Variants in SETD7 observed in about 807,000 individuals in gnomAD.
The protein encoded by SETD7 is histone-lysine N-methyltransferase SETD7.
Under a neutral mutation model 41.8 loss-of-function variants are expected in SETD7, and 16 were observed. The ratio of observed to expected loss-of-function variants is 0.38; its 90% CI spans 0.26 to 0.58. The LOEUF is 0.58. Among genes scored for constraint, SETD7 ranks in the 20% least tolerant of loss-of-function variants. SETD7 has a pLI of 0.64. For missense variants in SETD7, 346 were observed against 459.7 expected, an observed-to-expected ratio of 0.75 and a Z score of 2.26; for synonymous variants, 163 against 169.7, an observed-to-expected ratio of 0.96 and a Z score of 0.31.
intron 5 of SETD7, among the ~76,000 whole-genome samples, chr4:139,521,396 AGTCTGGAC>A: frequency 6.6e-6 from 1 of 151,096 alleles, no homozygotes; most frequent in East Asian, 2.0e-4. Context: ...ATTGCACTCC[AGTCTGGAC>A]GACAAGAGCA....
chr4:139,511,835 T>C lies in SETD7; in HGVS notation c.929A>G (p.His310Arg). ...GCATTTGATGGGCCCAAAACGGGGG[T>C]GGACAAACCTAAACATCAAGATGCA... ...TPNCIYDMFV[H>R]PRFGPIKCIR... is the part of the protein sequence containing the mutation. Residue 310 changes from histidine (H) to arginine (R), a missense_variant, in exon 8 of 8, where the codon CAC (histidine) becomes CGC (arginine). Transcript: ENST00000274031. The C allele has an allele frequency of 6.2e-7, 1 of 1,611,280 alleles. No homozygotes were observed. Among genetic ancestry groups the C allele is most frequent in the Non-Finnish European group, 8.5e-7 (1 of 1,178,906 alleles).
chr4:139,531,054 C>T (rs1436834424), intron 3 of SETD7, among the ~76,000 whole-genome samples: 1 of 152,072 alleles, frequency 6.6e-6, no homozygotes, highest in African/African-American at 2.4e-5. Context: ...ATTAATTTGA[C>T]TGGTGAGCAG....
chr4:139,512,281 G>C (rs1468575848), intron 7 of SETD7, among the ~76,000 whole-genome samples: 1 of 152,208 alleles, frequency 6.6e-6, no homozygotes, highest in Non-Finnish European at 1.5e-5. Context: ...CAGGGAGAAG[G>C]CTTCACCAGA....
Position 139,510,238 on chromosome 4 carries a change from ACAGATCAGCACAACAG to A in SETD7, c.*1409_*1424del, listed in dbSNP as rs11274284. The A allele has an allele frequency of 0.8, 121,265 of 152,108 alleles. 49,161 individuals carry two copies. The highest frequency in any genetic ancestry group is 0.96 in the East Asian group (4,946 of 5,164). 9.4% of individuals were successfully genotyped at this position (152,108 alleles called of 1,614,324 possible). A position where few individuals can be genotyped will look rare whatever the true frequency, so the allele number is the denominator to read the frequency against. ...GTGACAGGAATCACAGCTGACAGCT[ACAGATCAGCACAACAG>A]CTGCTCTCCAGTCCTTCCAGCCGCT... On this transcript the variant is annotated 3_prime_UTR_variant, in exon 8 of 8. Coordinates refer to ENST00000274031, the MANE Select transcript of SETD7 (RefSeq NM_030648.4).
At chr4:139,545,747 C>A (rs1467000244) in intron 2 of SETD7, among the ~76,000 whole-genome samples, 4 of 152,214 alleles carry the variant, frequency 2.6e-5, no homozygotes, top group African/African-American at 9.7e-5. Context: ...CAGTCCCTGA[C>A]ATCACCCTTC....
downstream of SETD7, among the ~76,000 whole-genome samples, chr4:139,495,225 G>T (rs558807103): frequency 6.6e-6 from 1 of 152,286 alleles, no homozygotes; most frequent in Non-Finnish European, 1.5e-5. Context: ...ATAAATTACA[G>T]CTATTGTTTC....
chr4:139,515,034 C>T (rs899956431), intron 7 of SETD7, among the ~76,000 whole-genome samples: 1 of 151,984 alleles, frequency 6.6e-6, no homozygotes, highest in Non-Finnish European at 1.5e-5. Flanking sequence ...GGCGTGATGG[C>T]GCATGCCTGT....
chr4:139,496,336 T>C lies in SETD7; in HGVS notation c.*17A>G, dbSNP rs1239867965. ...TTATCAGTAGGCAGAGTTCATTCCA[T>C]TCGCTTTTATCTTTTCTTAATTACT... On this transcript the variant is annotated 3_prime_UTR_variant, in exon 8 of 8. Transcript: ENST00000506866. The C allele has an allele frequency of 8.6e-6, 6 of 700,764 alleles. No individual in the cohort carries two copies. In the African/African-American group the frequency reaches 1.0e-4, roughly 12 times the overall value. The allele number at this position is 700,764 out of a possible 1,614,324, so 43.4% of individuals were successfully genotyped here.
chr4:139,531,779 CA>C (rs1452170611), intron 3 of SETD7, among the ~76,000 whole-genome samples: 2 of 152,056 alleles, frequency 1.3e-5, no homozygotes, highest in African/African-American at 2.4e-5. Context: ...ACTTTTTAAT[CA>C]TAAGGTTTCA....
intron 7 of SETD7, among the ~76,000 whole-genome samples, chr4:139,498,544 C>T (rs972249621): frequency 2.6e-5 from 4 of 152,198 alleles, no homozygotes; most frequent in African/African-American, 7.2e-5. Flanking sequence ...CCATGTGGCC[C>T]CTGTAACATG....
chr4:139,528,978 C>T (rs1220717090), intron 4 of SETD7, 53 bp downstream of exon 4: 2 of 1,492,180 alleles, frequency 1.3e-6, no homozygotes, highest in Non-Finnish European at 1.9e-6. Flanking sequence ...CAAATCAGCC[C>T]TAACAACCTG....
chr4:139,539,812 G>C (rs533454289), intron 2 of SETD7, among the ~76,000 whole-genome samples: 2 of 152,176 alleles, frequency 1.3e-5, no homozygotes, highest in Non-Finnish European at 2.9e-5. Flanking sequence ...CTTATAAAAA[G>C]ATATTAGAAA....
chr4:139,514,204 G>A (rs1169186270), intron 7 of SETD7, among the ~76,000 whole-genome samples: 1 of 152,122 alleles, frequency 6.6e-6, no homozygotes, highest in Non-Finnish European at 1.5e-5. Flanking sequence ...AGGATCGCTC[G>A]AGACTGGGAG....
At chr4:139,506,004 C>T (rs2111113499), downstream of SETD7, 1 of 152,754 alleles carries the variant, frequency 6.5e-6, no homozygotes, top group East Asian at 1.9e-4. Flanking sequence ...TATTGCTTTT[C>T]TAACCTAGAT....
At chr4:139,519,825 T>C (rs1158441452) in intron 6 of SETD7, among the ~76,000 whole-genome samples, 1 of 152,228 alleles carries the variant, frequency 6.6e-6, no homozygotes, top group Non-Finnish European at 1.5e-5. Context: ...AAAGATTGTA[T>C]CTTAAAGGTA....
intron 6 of SETD7, among the ~76,000 whole-genome samples, chr4:139,519,362 A>G (rs2111132998): frequency 6.6e-6 from 1 of 152,342 alleles, no homozygotes; most frequent in South Asian, 2.1e-4. Context: ...CAAGTTGTGT[A>G]ATCTCTCTAG....
chr4:139,529,133 C>A lies in SETD7; in HGVS notation c.460G>T (p.Ala154Ser). 1.2e-6 allele frequency: 2 copies of A among 1,613,928 alleles called. No homozygotes were observed. The highest frequency in any genetic ancestry group is 1.3e-5 in the African/African-American group (1 of 75,020). Reference sequence around the variant, plus strand: ...CCATCAATAAATTTCCCATAAAGTGCGGTCCTCTCATCAGGGTACACATAG... The same window carrying A: ...CCATCAATAAATTTCCCATAAAGTGAGGTCCTCTCATCAGGGTACACATAG... The part of the protein sequence containing the change: ...IAYVYPDERT[A>S]LYGKFIDGEM... Residue 154 changes from alanine (A) to serine (S), a missense_variant, in exon 4 of 8, where the codon GCA becomes TCA. By Grantham distance (99) the Ala-to-Ser change is moderately conservative (BLOSUM62 1). Around this residue, in one of 3 missense-constraint regions of SETD7, gnomAD observed 266 missense variants for 377.0 expected, o/e 0.71. Transcript: ENST00000274031.
At chr4:139,516,730 C>T (rs1727036932) in intron 7 of SETD7, among the ~76,000 whole-genome samples, 1 of 152,056 alleles carries the variant, frequency 6.6e-6, no homozygotes, top group Non-Finnish European at 1.5e-5. Flanking sequence ...TATATGTACT[C>T]CTTTATATAT....
rs918410170 is a variant in SETD7, at chr4:139,510,711, C to T, written c.*952G>A. 4 of 152,244 alleles carry T rather than the reference C, an allele frequency of 2.6e-5. No homozygotes were observed. The highest frequency in any genetic ancestry group is 5.9e-5 in the Non-Finnish European group (4 of 68,012). The allele number at this position is 152,244 out of a possible 1,614,324, so 9.4% of individuals were successfully genotyped here. ...CAATGCACTGTGCCACAAGCCTGAC[C>T]GCGCTATGTTATGTACATTTAATGT... is the stretch of plus-strand genomic sequence containing the variant. On this transcript the variant is annotated 3_prime_UTR_variant, in exon 8 of 8. Coordinates refer to ENST00000274031, the MANE Select transcript of SETD7 (RefSeq NM_030648.4).
Sources: gnomAD v4.1 joint callset for allele counts (sites outside exome capture counted in the v4.1 genomes callset) on GRCh38, gnomAD v4.1.1 for gene constraint, gnomAD v4.1.1 regional missense constraint, MANE v1.5 for transcripts, NCBI Gene and HGNC (gene_info 2026-07-23, HGNC 2026-07-21) for gene names.